ZAP70: variants seen among roughly 807,000 people sequenced by gnomAD.
The protein encoded by ZAP70 is tyrosine-protein kinase ZAP-70.
A neutral mutation model predicts 65.8 loss-of-function variants in ZAP70; 27 were observed. The observed-to-expected ratio is 0.41, with a 90% confidence interval of 0.30 to 0.57. ZAP70 has a LOEUF of 0.57. Ranked by LOEUF, ZAP70 falls within the 20% of genes least tolerant of loss-of-function variation. The pLI, the probability that ZAP70 is intolerant of heterozygous loss-of-function variation, is 0.28. For synonymous variants in ZAP70, 363 were observed against 360.8 expected, an observed-to-expected ratio of 1.01 and a Z score of -0.07; for missense variants, 696 against 870.5, an observed-to-expected ratio of 0.80 and a Z score of 2.52.
intron 8 of ZAP70, chr2:97,734,221 A>G: frequency 1.6e-6 from 1 of 607,018 alleles, no homozygotes; most frequent in Non-Finnish European, 2.6e-6. Context: ...ATAGGCGTAC[A>G]CGTACGAATG....
downstream of ZAP70, among the ~76,000 whole-genome samples, chr2:97,742,983 C>G (rs1678166224): frequency 6.6e-6 from 1 of 152,190 alleles, no homozygotes; most frequent in Admixed American, 6.5e-5. Context: ...CATCTTGAGG[C>G]AAAACTCTTT....
chr2:97,743,116 G>A (rs1465999615), downstream of ZAP70, among the ~76,000 whole-genome samples: 3 of 152,190 alleles, frequency 2.0e-5, no homozygotes, highest in Admixed American at 2.0e-4. Context: ...AAAGGGAGAA[G>A]AAAGCACATA....
In ZAP70 at chr2:97,724,360, C is replaced by A; in HGVS notation, c.324C>A (p.Leu108=). 1 of 1,547,084 alleles carries A rather than the reference C, an allele frequency of 6.5e-7. No individual in the cohort carries two copies. Among genetic ancestry groups the A allele is most frequent in the East Asian group, 2.3e-5 (1 of 43,182 alleles). ...LRKPCNRPSG[L]EPQPGVFDCL... Reference sequence around the variant, plus strand: ...AGCCGTGCAACCGGCCGTCGGGCCTCGAGCCGCAGCCGGGGGTCTTCGACT... The same window carrying A: ...AGCCGTGCAACCGGCCGTCGGGCCTAGAGCCGCAGCCGGGGGTCTTCGACT... The change falls in exon 3 of 14, where the codon CTC becomes CTA. Residue 108 remains leucine, a synonymous_variant. Transcript: ENST00000264972.
At chr2:97,735,736 G>A (rs1287497212) in intron 10 of ZAP70, among the ~76,000 whole-genome samples, 1 of 152,284 alleles carries the variant, frequency 6.6e-6, no homozygotes, top group Non-Finnish European at 1.5e-5. Context: ...TGCTAGGGCC[G>A]GGTGCGGTGG....
downstream of ZAP70, among the ~76,000 whole-genome samples, chr2:97,741,683 C>T (rs1196329166): frequency 1.3e-5 from 2 of 152,266 alleles, no homozygotes; most frequent in Non-Finnish European, 1.5e-5. Context: ...TCAACGCAGC[C>T]TGGGCTGGTA....
the ZAP70 span, among the ~76,000 whole-genome samples, chr2:97,749,244 C>T: frequency 6.6e-6 from 1 of 152,102 alleles, no homozygotes; most frequent in Non-Finnish European, 1.5e-5. Context: ...CTCCTGACCT[C>T]GGGATCCGCC....
At chr2:97,717,221 A>G (rs1207054289) in intron 2 of ZAP70, among the ~76,000 whole-genome samples, 1 of 144,246 alleles carries the variant, frequency 6.9e-6, no homozygotes, top group Non-Finnish European at 1.5e-5. Flanking sequence ...TCAGAGAGAG[A>G]GAGCCAGGAG....
chr2:97,739,080 C>G (rs1016805978), intron 13 of ZAP70, among the ~76,000 whole-genome samples: 1 of 152,180 alleles, frequency 6.6e-6, no homozygotes, highest in Non-Finnish European at 1.5e-5. Flanking sequence ...ATAGTTGCCA[C>G]TCTGACACCA....
At chr2:97,720,330 C>T (rs552357783) in intron 2 of ZAP70, among the ~76,000 whole-genome samples, 86 of 152,122 alleles carry the variant, frequency 5.7e-4, no homozygotes, top group African/African-American at 1.8e-3. Context: ...TGGGTTCAAG[C>T]GATTCTCCTG....
chr2:97,716,793 G>C (rs1204958024), intron 2 of ZAP70, among the ~76,000 whole-genome samples: 1 of 152,098 alleles, frequency 6.6e-6, no homozygotes, highest in East Asian at 1.9e-4. Context: ...GAGTGAGGTG[G>C]GAGCCTAGAG....
Position 97,737,516 on chromosome 2 carries a change from G to A in ZAP70, c.1333G>A (p.Val445Met), listed in dbSNP as rs373787406. 6.2e-7 allele frequency: 1 copy of A among 1,614,102 alleles called. No individual in the cohort carries two copies. ...VSNVAELLHQVSMGMKYLEEK... is the reference protein window; with the variant it reads ...VSNVAELLHQMSMGMKYLEEK... ...CAATGTGGCCGAGCTGCTGCACCAG[G>A]TGTCCATGGGGATGAAGTACCTGGA... is the stretch of plus-strand genomic sequence containing the variant. Residue 445 changes from valine to methionine, a missense_variant, in exon 11 of 14, where the codon GTG becomes ATG. Coordinates refer to ENST00000264972, the MANE Select transcript of ZAP70 (RefSeq NM_001079.4). This position sits in a 1 kb window ranked among gnomAD's most constrained non-coding sequence, Gnocchi z 5.0.
chr2:97,738,208 C>A, intron 13 of ZAP70, 101 bp downstream of exon 13: 2 of 1,202,618 alleles, frequency 1.7e-6, no homozygotes, highest in Non-Finnish European at 2.4e-6. Context: ...GTCATCTCAC[C>A]CAAAGCCCTT....
intron 8 of ZAP70, 141 bp downstream of exon 8, chr2:97,733,736 A>C: frequency 7.4e-6 from 7 of 946,122 alleles, no homozygotes; most frequent in Non-Finnish European, 1.2e-5. Flanking sequence ...ACCTGTGCAC[A>C]CATGTGCCCA....
intron 2 of ZAP70, among the ~76,000 whole-genome samples, chr2:97,721,611 T>A (rs1412510430): frequency 3.4e-5 from 5 of 146,510 alleles, no homozygotes; most frequent in Non-Finnish European, 7.5e-5. Flanking sequence ...TTTTTGTATT[T>A]TTAGTAGAGA....
intron 4 of ZAP70, among the ~76,000 whole-genome samples, chr2:97,725,688 C>G (rs1677359438): frequency 6.6e-6 from 1 of 152,198 alleles, no homozygotes; most frequent in African/African-American, 2.4e-5. Flanking sequence ...GAGACCCTGT[C>G]AGATGGTGGT....
intron 2 of ZAP70, among the ~76,000 whole-genome samples, chr2:97,716,558 A>G (rs964700649): frequency 6.6e-6 from 1 of 152,172 alleles, no homozygotes; most frequent in Non-Finnish European, 1.5e-5. Flanking sequence ...GAGGTGACTT[A>G]GGCAGAGACC....
At chr2:97,730,392 G>A (rs1677552579) in intron 4 of ZAP70, among the ~76,000 whole-genome samples, 1 of 152,182 alleles carries the variant, frequency 6.6e-6, no homozygotes, top group Non-Finnish European at 1.5e-5. Flanking sequence ...GAGCTGGATG[G>A]TCTCTGGGAT....
chr2:97,714,232 G>GGTGA (rs771085102), intron 2 of ZAP70, among the ~76,000 whole-genome samples: 17 of 152,126 alleles, frequency 1.1e-4, no homozygotes, highest in Non-Finnish European at 1.8e-4. Context: ...CAGGGGACAC[G>GGTGA]GTGAGGCCTG....
the ZAP70 span, among the ~76,000 whole-genome samples, chr2:97,747,916 A>G: frequency 7.4e-6 from 1 of 134,832 alleles, no homozygotes; most frequent in Non-Finnish European, 1.5e-5. Context: ...GGCTGTGGGC[A>G]GGACATGTCT....
Sources: gnomAD v4.1 joint callset for allele counts (sites outside exome capture counted in the v4.1 genomes callset) on GRCh38, gnomAD v4.1.1 for gene constraint, Gnocchi (gnomAD v3.1) non-coding constraint, MANE v1.5 for transcripts, NCBI Gene and HGNC (gene_info 2026-07-23, HGNC 2026-07-21) for gene names.